Variants in PYGM observed in about 807,000 individuals in gnomAD.
PYGM encodes the protein glycogen phosphorylase, muscle associated, also known as glycogen phosphorylase, muscle form.
Under a neutral mutation model 99.3 loss-of-function variants are expected in PYGM, and 81 were observed. The observed-to-expected ratio is 0.82, with a 90% CI of 0.68 to 0.98. PYGM has a LOEUF of 0.98. Ranked by LOEUF, PYGM falls within the 50% of genes least tolerant of loss-of-function variation. The pLI is 0.00. For synonymous variants in PYGM, 436 were observed against 451.5 expected, an observed-to-expected ratio of 0.97 and a Z score of 0.44; for missense variants, 1,030 against 1,158.1, an observed-to-expected ratio of 0.89 and a Z score of 1.61.
chr11:64,754,791 C>T lies in PYGM; in HGVS notation c.901G>A (p.Val301Met), dbSNP rs1314271741. The change falls in exon 8 of 20, where the codon GTG becomes ATG. Residue 301 changes from valine to methionine, a missense_variant. Transcript: ENST00000164139. The surrounding 1 kb of genome is among the most constrained non-coding windows in gnomAD (Gnocchi z 5.5). Reference sequence around the variant, plus strand: ...ATGATGTCCTGGAGGGTGGCAGCCACCACGAAATACTCCTGCTTCAGCCGC... The same window carrying T: ...ATGATGTCCTGGAGGGTGGCAGCCATCACGAAATACTCCTGCTTCAGCCGC... Reference protein sequence around the residue: ...ELRLKQEYFVVAATLQDIIRR... With the variant: ...ELRLKQEYFVMAATLQDIIRR... The T allele has an allele frequency of 1.2e-6, 2 of 1,613,864 alleles. No individual in the cohort carries two copies. The highest frequency in any genetic ancestry group is 2.7e-5 in the African/African-American group (2 of 74,908).
Position 64,758,356 on chromosome 11 carries a change from G to T in PYGM, c.425-7C>A, listed in dbSNP as rs1231158727. ...ATGGAGTCAAGAAAGCAGGCTGGGG[G>T]TGTGCAGGGAGGTGGCTGTCAGGGA... is the stretch of plus-strand genomic sequence containing the variant. On this transcript the variant is annotated splice_polypyrimidine_tract_variant and splice_region_variant and intron_variant, in intron 3 of 19. Coordinates refer to ENST00000164139, the MANE Select transcript of PYGM (RefSeq NM_005609.4). The T allele has an allele frequency of 2.5e-6, 4 of 1,613,310 alleles. No individual in the cohort carries two copies. In the Admixed American group the frequency reaches 5.0e-5, roughly 20 times the overall value.
chr11:64,753,772 C>A, intron 10 of PYGM, 90 bp from the exon 11 acceptor site: 1 of 1,544,534 alleles, frequency 6.5e-7, no homozygotes, highest in Non-Finnish European at 8.7e-7. Flanking sequence ...TGCCCAGTGC[C>A]CCCACTGCCC....
intron 17 of PYGM, among the ~76,000 whole-genome samples, chr11:64,749,787 G>A (rs1375925772): frequency 1.4e-5 from 2 of 141,444 alleles, no homozygotes; most frequent in African/African-American, 2.5e-5. Flanking sequence ...CTTTCAGGGA[G>A]CAAGGATTTT....
Position 64,746,908 on chromosome 11 carries a change from C to T in PYGM, c.2379+13G>A. 6.2e-7 allele frequency: 1 copy of T among 1,614,216 alleles called. No homozygotes were observed. Among genetic ancestry groups the T allele is most frequent in the Non-Finnish European group, 8.5e-7 (1 of 1,180,020 alleles). Reference sequence around the variant, plus strand: ...ACCAAAGCCCTGCCAACCCCTGGCCCAGGACCCCTCACCTTGTACAAGGCG... The same window carrying T: ...ACCAAAGCCCTGCCAACCCCTGGCCTAGGACCCCTCACCTTGTACAAGGCG... On this transcript the variant is annotated intron_variant, in intron 19 of 19. Coordinates refer to ENST00000164139, the MANE Select transcript of PYGM (RefSeq NM_005609.4).
At chr11:64,747,483 GC>G in intron 17 of PYGM, 125 bp from the exon 18 acceptor site, 1 of 1,289,382 alleles carries the variant, frequency 7.8e-7, no homozygotes, top group Non-Finnish European at 1.1e-6. Flanking sequence ...CCCCAGGGCT[GC>G]CACATCGCCC....
Position 64,753,569 on chromosome 11 carries a change from G to A in PYGM, c.1353C>T (p.His451=), listed in dbSNP as rs377599118. The A allele has an allele frequency of 3.2e-5, 51 of 1,603,576 alleles. No individual in the cohort carries two copies. Among genetic ancestry groups the A allele is most frequent in the Admixed American group, 1.3e-4 (8 of 59,342 alleles). The stretch of plus-strand genomic sequence containing the variant: ...GGATGCGCGCCACGCCGTTGACGGC[G>A]TGCGACCCCGCGATGCACAGGTGTG... The part of the protein sequence containing the change: ...NMAHLCIAGS[H]AVNGVARIHS... Residue 451 remains histidine (H), a synonymous_variant, in exon 11 of 20, where the codon CAC becomes CAT. Transcript: ENST00000164139.
chr11:64,750,948 A>G (rs556256784), intron 16 of PYGM, among the ~76,000 whole-genome samples: 1 of 152,236 alleles, frequency 6.6e-6, no homozygotes, highest in African/African-American at 2.4e-5. Context: ...CTGAAGTGCA[A>G]TGGCGTGATC....
chr11:64,750,615 T>A (rs1477680232), intron 16 of PYGM, 32 bp from the exon 17 acceptor site: 2 of 1,605,776 alleles, frequency 1.2e-6, no homozygotes, highest in Admixed American at 3.3e-5. Context: ...ACAAGTCAAC[T>A]CAGGGAAGAC....
intron 17 of PYGM, chr11:64,748,681 G>A (rs1158928529): frequency 1.3e-5 from 2 of 152,188 alleles, no homozygotes; most frequent in African/African-American, 4.8e-5. Context: ...CATGCTCATA[G>A]GATGGAATGT....
Position 64,755,520 on chromosome 11 carries a change from G to C in PYGM, c.699C>G (p.Gly233=). The C allele has an allele frequency of 6.2e-7, 1 of 1,614,126 alleles. No homozygotes were observed. Among genetic ancestry groups the C allele is most frequent in the African/African-American group, 1.3e-5 (1 of 75,052 alleles). The change falls in exon 6 of 20, where the codon GGC becomes GGG. Residue 233 remains glycine (G), a synonymous_variant. Coordinates refer to ENST00000164139, the MANE Select transcript of PYGM (RefSeq NM_005609.4). The surrounding 1 kb of genome is among the most constrained non-coding windows in gnomAD (Gnocchi z 4.1). ...LAMPYDTPVP[G]YRNNVVNTMR... The stretch of plus-strand genomic sequence containing the variant: ...TGGTGTTGACAACATTGTTGCGATA[G>C]CCAGGCACGGGCGTATCGTAGGGCA...
intron 10 of PYGM, 52 bp downstream of exon 10, chr11:64,753,827 G>T: frequency 6.5e-7 from 1 of 1,544,292 alleles, no homozygotes; most frequent in Non-Finnish European, 8.7e-7. Context: ...CCCAGGCCCA[G>T]ACTGGGTGTC....
intron 4 of PYGM, 111 bp from the exon 5 acceptor site, chr11:64,758,021 A>T (rs1442246538): frequency 2.6e-6 from 4 of 1,518,554 alleles, no homozygotes; most frequent in Non-Finnish European, 3.6e-6. Flanking sequence ...CACCAAGTAT[A>T]AGTCAGGAGC....
At chr11:64,747,524 C>CT (rs1277998449) in intron 17 of PYGM, 166 bp from the exon 18 acceptor site, 4 of 778,648 alleles carry the variant, frequency 5.1e-6, no homozygotes, top group Non-Finnish European at 8.5e-6. Context: ...CTCCCCTTCT[C>CT]TGCTCAGCTT....
intron 1 of PYGM, among the ~76,000 whole-genome samples, chr11:64,759,412 A>G (rs1401262375): frequency 6.6e-6 from 1 of 151,052 alleles, no homozygotes; most frequent in Non-Finnish European, 1.5e-5. Context: ...ACCAGCACCC[A>G]CTCCAACCTT....
Position 64,747,269 on chromosome 11 carries a change from G to A in PYGM, c.2267C>T (p.Pro756Leu), listed in dbSNP as rs777736319. ...ATTGACAATGTCCTTGAACAGGTCG[G>A]GCTGTTTGGGGGAGAAGAAGCCACT... Reference protein sequence around the residue: ...LSSGFFSPKQPDLFKDIVNML... With the variant: ...LSSGFFSPKQLDLFKDIVNML... The change falls in exon 18 of 20, where the codon CCC becomes CTC. Residue 756 changes from proline (P) to leucine (L), a missense_variant. Physicochemically the swap from Pro to Leu is moderately conservative, Grantham distance 98. Transcript: ENST00000164139. The A allele has an allele frequency of 3.7e-6, 6 of 1,614,066 alleles. No homozygotes were observed. In the African/African-American group the frequency reaches 8.0e-5, roughly 22 times the overall value.
rs780193913 is a variant in PYGM at position 64,746,817 on chromosome 11, C to A, written c.2380-9G>T. The A allele has an allele frequency of 6.2e-7, 1 of 1,614,162 alleles. No individual in the cohort carries two copies. Among genetic ancestry groups the A allele is most frequent in the South Asian group, 1.1e-5 (1 of 91,074 alleles). On this transcript the variant is annotated splice_polypyrimidine_tract_variant and intron_variant, in intron 19 of 19. Coordinates refer to ENST00000164139, the MANE Select transcript of PYGM (RefSeq NM_005609.4). ...GTCCACTCTCTTGGGTTCTGCAGGTCAAAGGGAAGCTCTGGTTCACTCTGC... is the reference window on the plus strand; with the variant it reads ...GTCCACTCTCTTGGGTTCTGCAGGTAAAAGGGAAGCTCTGGTTCACTCTGC...
rs772118747 is a variant in PYGM, at chr11:64,754,273, C to T, written c.1072G>A (p.Glu358Lys). ...PELMRILVDL[E>K]RMDWDKAWDV... ...CCCACCTTGTCCCAGTCCATCCGTT[C>T]CAGGTCCACCAGGATCCTCATCAGC... The change falls in exon 9 of 20, where the codon GAA (glutamate) becomes AAA (lysine). Residue 358 changes from glutamate to lysine, a missense_variant. Coordinates refer to ENST00000164139, the MANE Select transcript of PYGM (RefSeq NM_005609.4). This position sits in a 1 kb window ranked among gnomAD's most constrained non-coding sequence, Gnocchi z 5.5. 1.2e-6 allele frequency: 2 copies of T among 1,613,336 alleles called. No individual in the cohort carries two copies. Among genetic ancestry groups the T allele is most frequent in the Admixed American group, 1.7e-5 (1 of 59,980 alleles).
rs1002890691 is a variant in PYGM, at chr11:64,749,469, C to T, written c.2177+907G>A. Among the ~76,000 whole-genome samples, 19 of 151,914 alleles carry T rather than the reference C, an allele frequency of 1.3e-4. 1 individual carries two copies. The highest frequency in any genetic ancestry group is 2.6e-4 in the Non-Finnish European group (18 of 67,990). ...CATCCTGGCTAACATGGTGAAACCC[C>T]GTCTCTACTAAAAATGCAAAAAATT... On this transcript the variant is annotated intron_variant, in intron 17 of 19. Transcript: ENST00000164139.
intron 1 of PYGM, 108 bp from the exon 2 acceptor site, chr11:64,758,812 C>A: frequency 2.1e-6 from 2 of 966,616 alleles, no homozygotes; most frequent in Admixed American, 1.8e-5. Flanking sequence ...GCTCAGCAGT[C>A]CCATCCCTGT....
Sources: allele counts gnomAD v4.1 joint callset (sites outside exome capture counted in the v4.1 genomes callset), GRCh38; gene constraint gnomAD v4.1.1; non-coding constraint Gnocchi (gnomAD v3.1); transcripts MANE v1.5; gene names NCBI Gene and HGNC (gene_info 2026-07-23, HGNC 2026-07-21).